HECA: variants seen among roughly 807,000 people sequenced by gnomAD.
The protein encoded by HECA is HECA ribonucleoprotein granule regulator.
In HECA, 13 loss-of-function variants were observed where a neutral mutation model predicts 37.6. The observed-to-expected ratio is 0.35, with a 90% CI of 0.23 to 0.55. The LOEUF is 0.55. Among genes scored for constraint, HECA ranks in the 20% least tolerant of loss-of-function variants. HECA has a pLI of 0.90. For synonymous variants in HECA, 307 were observed against 291.5 expected (o/e 1.05, Z -0.54); for missense variants, 527 against 701.9 (o/e 0.75, Z 2.82).
In HECA at chr6:139,166,870, C is replaced by T. The variant is rs200959517; in HGVS notation, c.858C>T (p.Ser286=). The T allele has an allele frequency of 1.3e-4, 211 of 1,613,842 alleles. No homozygotes were observed. The highest frequency in any genetic ancestry group is 1.3e-3 in the African/African-American group (98 of 75,064). Residue 286 remains serine, a synonymous_variant, in exon 2 of 4, where the codon AGC becomes AGT. Transcript: ENST00000367658. ...GYSILSPAHF[S]GPRSSRYLGE... ...CCATCCTCTCTCCTGCCCACTTCAGCGGCCCCCGCTCCTCCAGATACCTCG... is the reference window on the plus strand; with the variant it reads ...CCATCCTCTCTCCTGCCCACTTCAGTGGCCCCCGCTCCTCCAGATACCTCG...
chr6:139,135,871 G>C (rs1774428407), intron 1 of HECA, among the ~76,000 whole-genome samples: 1 of 151,680 alleles, frequency 6.6e-6, no homozygotes. Context: ...CCCGGTGTCC[G>C]CGCGGGGGGC....
intron 2 of HECA, among the ~76,000 whole-genome samples, chr6:139,168,429 T>G (rs1287316465): frequency 6.6e-6 from 1 of 151,558 alleles, no homozygotes; most frequent in East Asian, 1.9e-4. Context: ...TGCATAGTTT[T>G]TTTTTTTTTT....
At chr6:139,171,350 A>G (rs192648317) in intron 2 of HECA, among the ~76,000 whole-genome samples, 18 of 152,356 alleles carry the variant, frequency 1.2e-4, no homozygotes, top group Admixed American at 9.1e-4. Flanking sequence ...GTATATATAC[A>G]CATCAAAACA....
At position 139,177,049 on chromosome 6, in the gene HECA, C is replaced by T. The variant is rs897821413; in HGVS notation, c.1576C>T (p.Leu526=). ...NVQQCPHCGN[L]DYHFVKPFSS... ...CCAGCAGTGTCCACACTGTGGGAAC[C>T]TGGACTACCACTTCGTGAAGCCATT... The change falls in exon 4 of 4, where the codon CTG becomes TTG. Residue 526 remains leucine, a synonymous_variant. Transcript: ENST00000367658. This position sits in a 1 kb window ranked among gnomAD's most constrained non-coding sequence, Gnocchi z 4.9. The T allele has an allele frequency of 5.8e-6, 5 of 869,408 alleles. No homozygotes were observed. The highest frequency in any genetic ancestry group is 8.0e-6 in the Non-Finnish European group (4 of 498,712). The allele number at this position is 869,408 out of a possible 1,614,324, so 53.9% of individuals were successfully genotyped here.
chr6:139,135,498 C>CGCGGCGGGA lies in HECA; in HGVS notation c.110_118dup (p.Gly37_Ala39dup), dbSNP rs749168946. 1.7e-5 allele frequency: 20 copies of CGCGGCGGGA among 1,160,228 alleles called. No individual in the cohort carries two copies. Among genetic ancestry groups the CGCGGCGGGA allele is most frequent in the Non-Finnish European group, 2.2e-5 (20 of 925,178 alleles). The allele number at this position is 1,160,228 out of a possible 1,614,324, so 71.9% of individuals were successfully genotyped here. A position where few individuals can be genotyped will look rare whatever the true frequency, so the allele number is the denominator to read the frequency against. Reference sequence around the variant, plus strand: ...GAGCCGGGGCCCTGGCAGCGGCGGGCGCGGCGGGAGCGGCGGCCGGGGGGG... The same window carrying CGCGGCGGGA: ...GAGCCGGGGCCCTGGCAGCGGCGGGCGCGGCGGGAGCGGCGGGAGCGGCGGCCGGGGGGG... On this transcript the variant is annotated inframe_insertion, in exon 1 of 4. Coordinates refer to ENST00000367658, the MANE Select transcript of HECA (RefSeq NM_016217.3).
rs543397897 is a variant in HECA at position 139,154,766 on chromosome 6, G to A, written c.272-11518G>A. On this transcript the variant is annotated intron_variant, in intron 1 of 3. Transcript: ENST00000367658. ...GAAGCAGGTCCAGCATTTACACTGCGTTGTAATTTACATGGTAAATGAAAA... is the reference window on the plus strand; with the variant it reads ...GAAGCAGGTCCAGCATTTACACTGCATTGTAATTTACATGGTAAATGAAAA... Among the ~76,000 whole-genome samples the A allele has an allele frequency of 1.4e-3, 214 of 152,336 alleles. 7 individuals carry two copies. In the South Asian group the frequency reaches 0.042, roughly 30 times the overall value.
Position 139,135,584 on chromosome 6 carries a change from C to CGGG in HECA, c.190_191insGGG (p.Ala63_Ala64insGly), listed in dbSNP as rs1190767566. ...GCGGGCGCGCCGGGCGCCGGAGGCG[C>CGGG]GGCGGGCGCCGGAGGCGCGGGGACT... On this transcript the variant is annotated inframe_insertion, in exon 1 of 4. Coordinates refer to ENST00000367658, the MANE Select transcript of HECA (RefSeq NM_016217.3). 323 of 942,400 alleles carry CGGG rather than the reference C, an allele frequency of 3.4e-4. No homozygotes were observed. Among genetic ancestry groups the CGGG allele is most frequent in the East Asian group, 6.1e-4 (5 of 8,168 alleles). The allele number at this position is 942,400 out of a possible 1,614,324, so 58.4% of individuals were successfully genotyped here. A position where few individuals can be genotyped will look rare whatever the true frequency, so the allele number is the denominator to read the frequency against.
At position 139,166,439 on chromosome 6, in the gene HECA, G is replaced by A. The variant is rs764862499; in HGVS notation, c.427G>A (p.Val143Ile). The A allele has an allele frequency of 6.2e-6, 10 of 1,614,174 alleles. No homozygotes were observed. Among genetic ancestry groups the A allele is most frequent in the South Asian group, 3.3e-5 (3 of 91,086 alleles). ...CFYEWESSIL[V>I]QFNCIGRARS... is the part of the protein sequence containing the mutation. ...CTACGAGTGGGAGAGCAGCATCCTC[G>A]TCCAGTTCAACTGCATCGGCCGCGC... The change falls in exon 2 of 4, where the codon GTC becomes ATC. Residue 143 changes from valine (V) to isoleucine (I), a missense_variant. Transcript: ENST00000367658.
In HECA at chr6:139,179,803, T is replaced by C. The variant is rs1775108539; in HGVS notation, c.*2698T>C. The C allele has an allele frequency of 6.6e-6, 1 of 152,230 alleles. No homozygotes were observed. The highest frequency in any genetic ancestry group is 1.5e-5 in the Non-Finnish European group (1 of 68,034). 9.4% of individuals were successfully genotyped at this position (152,230 alleles called of 1,614,324 possible). ...TTGTAGTTAGGATACTAAAAGGATA[T>C]TAGTTACCCAAGAGATCCAATTTGT... On this transcript the variant is annotated 3_prime_UTR_variant, in exon 4 of 4. Coordinates refer to ENST00000367658, the MANE Select transcript of HECA (RefSeq NM_016217.3).
intron 1 of HECA, among the ~76,000 whole-genome samples, chr6:139,140,984 G>A (rs1340042670): frequency 6.6e-6 from 1 of 152,142 alleles, no homozygotes; most frequent in Non-Finnish European, 1.5e-5. Context: ...TAGAGACAGG[G>A]TTTCTCCGTG....
chr6:139,143,541 T>C (rs1483991256), intron 1 of HECA, among the ~76,000 whole-genome samples: 2 of 152,134 alleles, frequency 1.3e-5, no homozygotes, highest in Non-Finnish European at 2.9e-5. Flanking sequence ...AAAAGCAACA[T>C]GTAAAAATGG....
chr6:139,167,922 T>C (rs772033736), intron 2 of HECA, among the ~76,000 whole-genome samples: 5 of 152,188 alleles, frequency 3.3e-5, no homozygotes, highest in Non-Finnish European at 7.3e-5. Flanking sequence ...AGCCATAAAT[T>C]GAATGACACG....
At chr6:139,170,741 A>G (rs1016830817) in intron 2 of HECA, among the ~76,000 whole-genome samples, 2 of 152,194 alleles carry the variant, frequency 1.3e-5, no homozygotes, top group South Asian at 2.1e-4. Flanking sequence ...GAACTTTGCT[A>G]TATATTCTTT....
At chr6:139,158,836 G>T (rs976020860) in intron 1 of HECA, among the ~76,000 whole-genome samples, 4 of 152,152 alleles carry the variant, frequency 2.6e-5, no homozygotes, top group Non-Finnish European at 5.9e-5. Flanking sequence ...CACTTTGGGA[G>T]GCCAAGGTAG....
intron 2 of HECA, among the ~76,000 whole-genome samples, chr6:139,173,273 T>C (rs1048676694): frequency 2.6e-5 from 4 of 152,202 alleles, no homozygotes; most frequent in African/African-American, 9.7e-5. Flanking sequence ...CCCCATCCAT[T>C]TACCCAACAT....
chr6:139,166,158 A>G (rs1485806298), intron 1 of HECA, 126 bp from the exon 2 acceptor site: 13 of 754,070 alleles, frequency 1.7e-5, no homozygotes, highest in Non-Finnish European at 2.9e-5. Flanking sequence ...TCTTTAAAGG[A>G]ACCCTGGAAC....
At chr6:139,153,075 G>C (rs1160892068) in intron 1 of HECA, 2 of 152,160 alleles carry the variant, frequency 1.3e-5, no homozygotes, top group Non-Finnish European at 2.9e-5. Flanking sequence ...AGCAAGGCTG[G>C]GGCCTAATTA....
intron 1 of HECA, among the ~76,000 whole-genome samples, chr6:139,157,745 A>G (rs1248350782): frequency 6.6e-6 from 1 of 152,184 alleles, no homozygotes; most frequent in African/African-American, 2.4e-5. Context: ...GTACTTTCCC[A>G]GCTAAGAAGG....
chr6:139,167,341 A>G lies in HECA; in HGVS notation c.1312+17A>G, dbSNP rs778714047. The stretch of plus-strand genomic sequence containing the variant: ...ACCTTCAAGGTATAGGTGTTAATTC[A>G]CCTTGCCTGCTTTCTGTTTGTTAAA... On this transcript the variant is annotated intron_variant, in intron 2 of 3. Transcript: ENST00000367658. 5 of 1,520,614 alleles carry G rather than the reference A, an allele frequency of 3.3e-6. No homozygotes were observed. Among genetic ancestry groups the G allele is most frequent in the African/African-American group, 1.4e-5 (1 of 72,516 alleles). The allele number at this position is 1,520,614 out of a possible 1,614,324, so 94.2% of individuals were successfully genotyped here. A position where few individuals can be genotyped will look rare whatever the true frequency, so the allele number is the denominator to read the frequency against.
Sources: allele counts gnomAD v4.1 joint callset (sites outside exome capture counted in the v4.1 genomes callset), GRCh38; gene constraint gnomAD v4.1.1; non-coding constraint Gnocchi (gnomAD v3.1); transcripts MANE v1.5; gene names NCBI Gene and HGNC (gene_info 2026-07-23, HGNC 2026-07-21).